GABRB1: variants seen among roughly 807,000 people sequenced by gnomAD.
The protein encoded by GABRB1 is gamma-aminobutyric acid receptor subunit beta-1.
In GABRB1, 17 loss-of-function variants were observed where a neutral mutation model predicts 51.6. The ratio of observed to expected loss-of-function variants is 0.33; its 90% CI spans 0.23 to 0.49. The LOEUF (loss-of-function observed/expected upper bound fraction) is 0.49, where lower values mean the gene tolerates loss of function less well. Among genes scored for constraint, GABRB1 ranks in the 20% least tolerant of loss-of-function variants. GABRB1 has a pLI of 0.99. For synonymous variants in GABRB1, 247 were observed against 218.9 expected, an observed-to-expected ratio of 1.13 and a Z score of -1.14; for missense variants, 410 against 600.6, an observed-to-expected ratio of 0.68 and a Z score of 3.32.
intron 4 of GABRB1, among the ~76,000 whole-genome samples, chr4:47,232,000 A>ACAATAT (rs1211411347): frequency 3.9e-5 from 6 of 152,168 alleles, no homozygotes; most frequent in African/African-American, 1.4e-4. Flanking sequence ...CCCATGAAGT[A>ACAATAT]GTAGGTATTA....
chr4:47,102,603 T>C (rs1202261467), intron 3 of GABRB1, among the ~76,000 whole-genome samples: 1 of 151,766 alleles, frequency 6.6e-6, no homozygotes, highest in Non-Finnish European at 1.5e-5. Context: ...GTTACTCAGT[T>C]GAAGGAAAAG....
intron 4 of GABRB1, among the ~76,000 whole-genome samples, chr4:47,295,877 A>C (rs564747731): frequency 2.0e-5 from 3 of 152,338 alleles, no homozygotes; most frequent in Admixed American, 2.0e-4. Context: ...GGTTAACCAC[A>C]ATGGGAAGCC....
At chr4:47,153,418 T>C (rs10938473) in intron 3 of GABRB1, among the ~76,000 whole-genome samples, 131,531 of 151,980 alleles carry the variant, frequency 0.87, 56,970 homozygotes, top group African/African-American at 0.92. Context: ...AGGCTGTCAC[T>C]GTGTGAAATG....
intron 4 of GABRB1, among the ~76,000 whole-genome samples, chr4:47,295,592 G>T (rs186807096): frequency 3.2e-4 from 48 of 152,326 alleles, no homozygotes; most frequent in African/African-American, 9.9e-4. Context: ...AAGCCTCCAA[G>T]AAATATGGGA....
At chr4:47,293,184 C>A (rs1723819924) in intron 4 of GABRB1, among the ~76,000 whole-genome samples, 1 of 152,068 alleles carries the variant, frequency 6.6e-6, no homozygotes, top group Non-Finnish European at 1.5e-5. Flanking sequence ...TCTTGTCGCC[C>A]ATGCTGGAGT....
intron 3 of GABRB1, among the ~76,000 whole-genome samples, chr4:47,100,674 A>G (rs1317603994): frequency 6.6e-6 from 1 of 151,956 alleles, no homozygotes; most frequent in Non-Finnish European, 1.5e-5. Context: ...TGGAAAAGGT[A>G]AAGAAGGGGA....
intron 4 of GABRB1, among the ~76,000 whole-genome samples, chr4:47,226,122 GA>G (rs1172105763): frequency 6.6e-6 from 1 of 152,210 alleles, no homozygotes; most frequent in Non-Finnish European, 1.5e-5. Context: ...AGCAAAGCCA[GA>G]AAAATCTCTG....
chr4:47,349,188 G>T (rs1216856480), intron 5 of GABRB1, among the ~76,000 whole-genome samples: 1 of 152,122 alleles, frequency 6.6e-6, no homozygotes, highest in Non-Finnish European at 1.5e-5. Context: ...TGAATTATTT[G>T]CATATTTTGA....
At chr4:47,086,116 C>T (rs1344887453) in intron 3 of GABRB1, among the ~76,000 whole-genome samples, 1 of 152,206 alleles carries the variant, frequency 6.6e-6, no homozygotes, top group Non-Finnish European at 1.5e-5. Flanking sequence ...TTTAACATCC[C>T]TGATTTTAAA....
chr4:47,055,967 A>C (rs1192091713), intron 3 of GABRB1, among the ~76,000 whole-genome samples: 1 of 152,352 alleles, frequency 6.6e-6, no homozygotes, highest in African/African-American at 2.4e-5. Flanking sequence ...TGTTTTTAAT[A>C]GTGAACTTTT....
At chr4:47,246,379 T>TAC (rs1721759160) in intron 4 of GABRB1, among the ~76,000 whole-genome samples, 1 of 46,082 alleles carries the variant, frequency 2.2e-5, no homozygotes, top group African/African-American at 1.0e-4. Context: ...TATATATATA[T>TAC]ATATATATAT....
intron 3 of GABRB1, among the ~76,000 whole-genome samples, chr4:47,160,530 G>C (rs1717896893): frequency 6.6e-6 from 1 of 152,030 alleles, no homozygotes; most frequent in African/African-American, 2.4e-5. Flanking sequence ...AGTGCATTCA[G>C]TTTTAGTTAT....
rs1728173256 is a variant in GABRB1, at chr4:47,396,133, C to T, written c.545-7185C>T. ...AAGATGTTTAACTGGACTTACAGTT[C>T]CACCTGGCCAGGAAAGCCTCACAAC... On this transcript the variant is annotated intron_variant, in intron 5 of 8. Transcript: ENST00000295454. Among the ~76,000 whole-genome samples the T allele has an allele frequency of 2.0e-5, 3 of 152,080 alleles. No homozygotes were observed. In the South Asian group the frequency reaches 6.2e-4, roughly 32 times the overall value.
chr4:47,178,669 G>A (rs1344199565), intron 4 of GABRB1, among the ~76,000 whole-genome samples: 2 of 152,114 alleles, frequency 1.3e-5, no homozygotes, highest in African/African-American at 4.8e-5. Context: ...TATAAAAAGG[G>A]CAACGATGAA....
intron 3 of GABRB1, among the ~76,000 whole-genome samples, chr4:47,074,721 C>G (rs1368067246): frequency 6.6e-6 from 1 of 152,010 alleles, no homozygotes; most frequent in African/African-American, 2.4e-5. Context: ...GACTTTTGAG[C>G]CTTACCTAGC....
intron 3 of GABRB1, among the ~76,000 whole-genome samples, chr4:47,077,731 T>G (rs1226795202): frequency 5.3e-5 from 8 of 150,532 alleles, no homozygotes. Flanking sequence ...TCCTGTTTGC[T>G]AAAAATTAGC....
intron 4 of GABRB1, among the ~76,000 whole-genome samples, chr4:47,239,770 C>A (rs890674636): frequency 6.6e-6 from 1 of 152,292 alleles, no homozygotes; most frequent in East Asian, 1.9e-4. Flanking sequence ...TTTTCACTTT[C>A]CTAGCGATCT....
At chr4:47,370,625 T>G (rs1386598689) in intron 5 of GABRB1, among the ~76,000 whole-genome samples, 1 of 152,112 alleles carries the variant, frequency 6.6e-6, no homozygotes, top group African/African-American at 2.4e-5. Flanking sequence ...GGCCTTAGGG[T>G]TTCTGTGTAA....
At chr4:47,106,585 T>C (rs1254906991) in intron 3 of GABRB1, among the ~76,000 whole-genome samples, 2 of 152,086 alleles carry the variant, frequency 1.3e-5, no homozygotes, top group Non-Finnish European at 2.9e-5. Context: ...TTCAGACTTA[T>C]TTTCTCTCAG....
Sources: gnomAD v4.1 joint callset for allele counts (sites outside exome capture counted in the v4.1 genomes callset) on GRCh38, gnomAD v4.1.1 for gene constraint, MANE v1.5 for transcripts, NCBI Gene and HGNC (gene_info 2026-07-23, HGNC 2026-07-21) for gene names.